CYTH3: variants seen among roughly 807,000 people sequenced by gnomAD.
CYTH3 encodes the protein cytohesin 3, also known as cytohesin-3.
Under a neutral mutation model 55.1 loss-of-function variants are expected in CYTH3, and 23 were observed. That is an observed-to-expected ratio of 0.42 (90% CI 0.30 to 0.59). The LOEUF (loss-of-function observed/expected upper bound fraction) is 0.59, where lower values mean the gene tolerates loss of function less well. Among genes scored for constraint, CYTH3 ranks in the 20% least tolerant of loss-of-function variants. CYTH3 has a pLI of 0.20. For synonymous variants in CYTH3, 249 were observed against 194.9 expected, an observed-to-expected ratio of 1.28 and a Z score of -2.31; for missense variants, 413 against 524.8, an observed-to-expected ratio of 0.79 and a Z score of 2.08.
intron 2 of CYTH3, among the ~76,000 whole-genome samples, chr7:6,189,197 C>T (rs1291555169): frequency 1.3e-5 from 2 of 152,312 alleles, no homozygotes; most frequent in East Asian, 1.9e-4. Flanking sequence ...CACGCCGAGA[C>T]GGTGGCTTTA....
chr7:6,269,634 C>A (rs1047281438), intron 1 of CYTH3, among the ~76,000 whole-genome samples: 2 of 152,068 alleles, frequency 1.3e-5, no homozygotes, highest in African/African-American at 2.4e-5. Flanking sequence ...AACAAAGTCC[C>A]ATAGGAATTA....
chr7:6,241,153 A>T (rs1419046257), intron 1 of CYTH3, among the ~76,000 whole-genome samples: 2 of 152,128 alleles, frequency 1.3e-5, no homozygotes, highest in Admixed American at 1.3e-4. Context: ...GGTTGCATTA[A>T]ACACACACAT....
intron 1 of CYTH3, among the ~76,000 whole-genome samples, chr7:6,239,686 T>C (rs907689100): frequency 6.6e-6 from 1 of 152,102 alleles, no homozygotes; most frequent in African/African-American, 2.4e-5. Context: ...AGATATAAAA[T>C]TAATATAGAG....
At chr7:6,228,527 C>A (rs1779306731) in intron 1 of CYTH3, among the ~76,000 whole-genome samples, 3 of 152,096 alleles carry the variant, frequency 2.0e-5, no homozygotes, top group Admixed American at 2.0e-4. Context: ...GAGATCCAGG[C>A]TGGAAGCAAA....
intron 1 of CYTH3, among the ~76,000 whole-genome samples, chr7:6,192,889 G>A (rs765519621): frequency 1.3e-5 from 2 of 151,866 alleles, no homozygotes; most frequent in Non-Finnish European, 2.9e-5. Context: ...GGGCAAATGG[G>A]GCCAGACACA....
At chr7:6,247,026 A>G (rs1361248598) in intron 1 of CYTH3, among the ~76,000 whole-genome samples, 2 of 152,164 alleles carry the variant, frequency 1.3e-5, no homozygotes, top group Non-Finnish European at 2.9e-5. Context: ...CAGGTAGTAG[A>G]AAAAAGCTGA....
At chr7:6,267,666 G>T (rs1780535505) in intron 1 of CYTH3, among the ~76,000 whole-genome samples, 1 of 152,162 alleles carries the variant, frequency 6.6e-6, no homozygotes, top group African/African-American at 2.4e-5. Context: ...TGGGACTACA[G>T]GTGCGCATCA....
intron 1 of CYTH3, among the ~76,000 whole-genome samples, chr7:6,199,978 A>G (rs1299590729): frequency 6.6e-6 from 1 of 152,228 alleles, no homozygotes; most frequent in African/African-American, 2.4e-5. Context: ...CAAAGTGTGC[A>G]ATAATATTAA....
At chr7:6,267,806 G>A (rs933925776) in intron 1 of CYTH3, among the ~76,000 whole-genome samples, 3 of 152,174 alleles carry the variant, frequency 2.0e-5, no homozygotes, top group Non-Finnish European at 4.4e-5. Flanking sequence ...ACAGGCGTGA[G>A]CCATTGCGCC....
chr7:6,182,789 C>T (rs1200443670), intron 4 of CYTH3, among the ~76,000 whole-genome samples: 1 of 152,210 alleles, frequency 6.6e-6, no homozygotes, highest in Non-Finnish European at 1.5e-5. Flanking sequence ...GGATTATAGG[C>T]ATGAGCCGCC....
rs900782113 is a variant in CYTH3 at position 6,165,625 on chromosome 7, G to C, written c.901-9C>G. On this transcript the variant is annotated splice_polypyrimidine_tract_variant and intron_variant, in intron 10 of 12. Coordinates refer to ENST00000350796, the MANE Select transcript of CYTH3 (RefSeq NM_004227.4). ...CCCCTGGGCTCCTTATCCTACAAGA[G>C]GAAAGTACACGGCGGGGCTCACTGT... 2.4e-5 allele frequency: 38 copies of C among 1,613,798 alleles called. No individual in the cohort carries two copies. The highest frequency in any genetic ancestry group is 2.9e-5 in the Non-Finnish European group (34 of 1,179,874).
intron 5 of CYTH3, 114 bp downstream of exon 5, chr7:6,177,709 C>T (rs916061917): frequency 1.0e-5 from 8 of 786,918 alleles, no homozygotes; most frequent in Middle Eastern, 3.9e-4. Context: ...GCCCACAGCC[C>T]GTGGCTCTAT....
intron 1 of CYTH3, among the ~76,000 whole-genome samples, chr7:6,248,828 G>C (rs956855032): frequency 6.6e-6 from 1 of 152,166 alleles, no homozygotes; most frequent in Non-Finnish European, 1.5e-5. Context: ...TATCTATTCT[G>C]ATTCAGCTTT....
rs1326593286 is a variant in CYTH3, at chr7:6,167,599, C to T, written c.824-1789G>A. 2.0e-5 allele frequency among the ~76,000 whole-genome samples: 3 copies of T among 152,250 alleles called. No individual in the cohort carries two copies. Among genetic ancestry groups the T allele is most frequent in the African/African-American group, 4.8e-5 (2 of 41,468 alleles). ...TCATGCCCCTCCGGCTTGAAGCCCCCCAAAGGGTCCCACTGCACTCAGCTT... is the reference window on the plus strand; with the variant it reads ...TCATGCCCCTCCGGCTTGAAGCCCCTCAAAGGGTCCCACTGCACTCAGCTT... On this transcript the variant is annotated intron_variant, in intron 9 of 12. Transcript: ENST00000350796. This position sits in a 1 kb window ranked among gnomAD's most constrained non-coding sequence, Gnocchi z 5.5.
chr7:6,204,719 G>A (rs920795191), intron 1 of CYTH3, among the ~76,000 whole-genome samples: 25 of 152,288 alleles, frequency 1.6e-4, no homozygotes, highest in Admixed American at 1.0e-3. Context: ...CACTCCTTTA[G>A]CCAACCCATG....
intron 1 of CYTH3, among the ~76,000 whole-genome samples, chr7:6,268,417 G>A (rs181086404): frequency 3.3e-5 from 5 of 152,166 alleles, no homozygotes; most frequent in Non-Finnish European, 5.9e-5. Context: ...TGATCCACCC[G>A]CCTCGGCCTC....
rs78732200 is a variant in CYTH3 at position 6,226,558 on chromosome 7, G to T, written c.35-36027C>A. On this transcript the variant is annotated intron_variant, in intron 1 of 12. Transcript: ENST00000350796. ...GCAGTCTTGGCTGAAGCCCCAGTGA[G>T]GATTCTTCCAGCCACTCCATGGCTA... is the stretch of plus-strand genomic sequence containing the variant. Among the ~76,000 whole-genome samples the T allele has an allele frequency of 2.4e-3, 365 of 152,288 alleles. 2 individuals are homozygous for T. The highest frequency in any genetic ancestry group is 8.2e-3 in the African/African-American group (339 of 41,556).
chr7:6,247,573 G>A (rs928015356), intron 1 of CYTH3, among the ~76,000 whole-genome samples: 51 of 152,252 alleles, frequency 3.3e-4, no homozygotes, highest in African/African-American at 1.1e-3. Flanking sequence ...TTCATGAATC[G>A]TAAGGGAGTT....
chr7:6,203,736 G>A (rs1415377625), intron 1 of CYTH3, among the ~76,000 whole-genome samples: 1 of 137,358 alleles, frequency 7.3e-6, no homozygotes, highest in African/African-American at 2.7e-5. Context: ...TTTTTTTTTT[G>A]GAGACAGAGT....
Sources: allele counts gnomAD v4.1 joint callset (sites outside exome capture counted in the v4.1 genomes callset), GRCh38; gene constraint gnomAD v4.1.1; non-coding constraint Gnocchi (gnomAD v3.1); transcripts MANE v1.5; gene names NCBI Gene and HGNC (gene_info 2026-07-23, HGNC 2026-07-21).